PHC3: variants seen among roughly 807,000 people sequenced by gnomAD.
PHC3 encodes the protein polyhomeotic homolog 3.
A neutral mutation model predicts 107.4 loss-of-function variants in PHC3; 13 were observed. The observed-to-expected ratio is 0.12, with a 90% CI of 0.08 to 0.19. The LOEUF is 0.19. Among genes scored for constraint, PHC3 ranks in the 10% least tolerant of loss-of-function variants. The pLI is 1.00. For synonymous variants in PHC3, 456 were observed against 427.4 expected (o/e 1.07, Z -0.83); for missense variants, 992 against 1,210.9 (o/e 0.82, Z 2.68).
At chr3:170,160,579 A>T (rs968673380) in intron 4 of PHC3, among the ~76,000 whole-genome samples, 3 of 152,198 alleles carry the variant, frequency 2.0e-5, no homozygotes, top group Non-Finnish European at 4.4e-5. Context: ...ATATATCCTA[A>T]AATAATTCTC....
Position 170,087,825 on chromosome 3 carries a change from C to T in PHC3, c.*9405G>A, listed in dbSNP as rs1001470903. On this transcript the variant is annotated 3_prime_UTR_variant, in exon 15 of 15. Transcript: ENST00000495893. ...TTAATTTAATAGTTAATGTTGCCAT[C>T]AACAAACATTTAAATGCTCAATTTA... 2 of 152,074 alleles carry T rather than the reference C, an allele frequency of 1.3e-5. No individual in the cohort carries two copies. Among genetic ancestry groups the T allele is most frequent in the Admixed American group, 1.3e-4 (2 of 15,264 alleles). 9.4% of individuals were successfully genotyped at this position (152,074 alleles called of 1,614,324 possible).
chr3:170,174,167 T>C (rs1241899572), intron 2 of PHC3, among the ~76,000 whole-genome samples: 2 of 148,560 alleles, frequency 1.3e-5, no homozygotes, highest in Non-Finnish European at 2.9e-5. Flanking sequence ...CACTCCAGCC[T>C]AGACGACAGA....
At chr3:170,137,218 G>A (rs1723232888) in intron 6 of PHC3, among the ~76,000 whole-genome samples, 1 of 152,116 alleles carries the variant, frequency 6.6e-6, no homozygotes, top group South Asian at 2.1e-4. Context: ...GTAAAATTTT[G>A]GTGGTGGTGT....
intron 11 of PHC3, among the ~76,000 whole-genome samples, chr3:170,111,242 G>A (rs1291000703): frequency 6.7e-6 from 1 of 148,562 alleles, no homozygotes; most frequent in Admixed American, 6.8e-5. Flanking sequence ...CGGTGACTAC[G>A]ATTTTCTTTA....
intron 4 of PHC3, among the ~76,000 whole-genome samples, chr3:170,150,274 A>C (rs1480427593): frequency 6.6e-6 from 1 of 152,216 alleles, no homozygotes; most frequent in African/African-American, 2.4e-5. Flanking sequence ...TAACCAGTGT[A>C]AAGCTGTAGT....
intron 10 of PHC3, among the ~76,000 whole-genome samples, chr3:170,114,229 G>A (rs1238488743): frequency 3.9e-5 from 6 of 151,954 alleles, no homozygotes; most frequent in Admixed American, 6.6e-5. Context: ...GGCTGATCTC[G>A]AACTCCCAAC....
intron 2 of PHC3, among the ~76,000 whole-genome samples, chr3:170,175,335 C>T (rs971438687): frequency 2.0e-5 from 3 of 152,018 alleles, no homozygotes; most frequent in Non-Finnish European, 4.4e-5. Flanking sequence ...AACTAGAGGA[C>T]AAAATGGTAT....
intron 2 of PHC3, among the ~76,000 whole-genome samples, chr3:170,175,932 A>T (rs1730383602): frequency 6.7e-6 from 1 of 149,912 alleles, no homozygotes; most frequent in South Asian, 2.1e-4. Flanking sequence ...TCAAAAAAAA[A>T]AAAAACAAAA....
At chr3:170,157,411 C>T (rs1051446576) in intron 4 of PHC3, among the ~76,000 whole-genome samples, 1 of 152,134 alleles carries the variant, frequency 6.6e-6, no homozygotes, top group East Asian at 1.9e-4. Flanking sequence ...GAACTTAATA[C>T]CTTTTTTACT....
At chr3:170,171,167 A>G (rs1729524676) in intron 4 of PHC3, 1 of 577,938 alleles carries the variant, frequency 1.7e-6, no homozygotes, top group East Asian at 2.9e-5. Context: ...GAAATAATAC[A>G]AAAAGATTTT....
In PHC3 at chr3:170,141,885, T is replaced by C. The variant is rs528720647; in HGVS notation, c.672+3538A>G. ...TCCCAAAGAACTAGGATTACAGGTG[T>C]GAGCTACCTCGCCCGGCCTGTAAAT... On this transcript the variant is annotated intron_variant, in intron 6 of 14. Transcript: ENST00000495893. Among the ~76,000 whole-genome samples the C allele has an allele frequency of 3.9e-5, 6 of 152,312 alleles. No individual in the cohort carries two copies. In the East Asian group the frequency reaches 9.6e-4, roughly 24 times the overall value.
intron 4 of PHC3, among the ~76,000 whole-genome samples, chr3:170,159,251 CAAAAAAAAAAAA>C (rs1278767405): frequency 0.025 from 1,753 of 69,654 alleles, 42 homozygotes; most frequent in African/African-American, 0.075. Context: ...GACTCGGTCT[CAAAAAAAAAAAA>C]AAAAAAAAAA....
chr3:170,106,781 T>A, intron 12 of PHC3, 51 bp downstream of exon 12: 1 of 1,347,872 alleles, frequency 7.4e-7, no homozygotes, highest in Non-Finnish European at 1.0e-6. Flanking sequence ...TTTGGTTTAG[T>A]TGCAATGGCT....
intron 1 of PHC3, among the ~76,000 whole-genome samples, chr3:170,181,341 CG>C (rs1258854844): frequency 6.6e-6 from 1 of 152,102 alleles, no homozygotes; most frequent in Non-Finnish European, 1.5e-5. Context: ...CGCAGGCAGC[CG>C]TAACAAGGCT....
intron 4 of PHC3, among the ~76,000 whole-genome samples, chr3:170,167,319 TTTG>T (rs1421273743): frequency 3.3e-5 from 5 of 152,192 alleles, no homozygotes; most frequent in African/African-American, 1.2e-4. Context: ...CAGCTAATTT[TTTG>T]TTGTTGTATT....
chr3:170,134,160 T>A (rs527949390), intron 7 of PHC3, among the ~76,000 whole-genome samples: 2 of 150,934 alleles, frequency 1.3e-5, no homozygotes, highest in African/African-American at 2.4e-5. Context: ...AAAAAAAAAA[T>A]AAGAATTCGT....
chr3:170,178,333 C>T (rs1178467314), intron 2 of PHC3, among the ~76,000 whole-genome samples: 3 of 151,138 alleles, frequency 2.0e-5, no homozygotes, highest in Admixed American at 6.6e-5. Context: ...TTAGTAGAGA[C>T]GGGGTTTCAC....
intron 9 of PHC3, among the ~76,000 whole-genome samples, chr3:170,118,224 G>A (rs1366902533): frequency 2.0e-5 from 3 of 152,152 alleles, no homozygotes; most frequent in Admixed American, 6.6e-5. Context: ...ATGGGGTCAT[G>A]AAATCCACAG....
At chr3:170,169,953 A>G (rs1177575956) in intron 4 of PHC3, 1 of 152,130 alleles carries the variant, frequency 6.6e-6, no homozygotes, top group Non-Finnish European at 1.5e-5. Flanking sequence ...GCTAGGTTAC[A>G]TTATTTAAGT....
Sources: gnomAD v4.1 joint callset for allele counts (sites outside exome capture counted in the v4.1 genomes callset) on GRCh38, gnomAD v4.1.1 for gene constraint, MANE v1.5 for transcripts, NCBI Gene and HGNC (gene_info 2026-07-23, HGNC 2026-07-21) for gene names.